The following ZNF423 variants were observed in gnomAD, a reference collection of about 807,000 sequenced individuals.
ZNF423 encodes the protein zinc finger protein 423, also known as Ebf-associated zinc finger protein.
ZNF423 carries 12 observed loss-of-function variants against 95.8 expected under a neutral mutation model. That is an observed-to-expected ratio of 0.13 (90% CI 0.08 to 0.20). The LOEUF is 0.20. ZNF423 is among the 10% of genes least tolerant of loss of function. The pLI is 1.00. For missense variants in ZNF423, 1,316 were observed against 1,737.1 expected (o/e 0.76, Z 4.31); for synonymous variants, 749 against 711.9 (o/e 1.05, Z -0.83).
At chr16:49,725,818 A>G (rs1326118325) in intron 3 of ZNF423, among the ~76,000 whole-genome samples, 1 of 152,218 alleles carries the variant, frequency 6.6e-6, no homozygotes, top group Non-Finnish European at 1.5e-5. Flanking sequence ...CCAGACTGCC[A>G]GCCCCTGGAG....
chr16:49,819,823 C>T (rs892053800), intron 1 of ZNF423, among the ~76,000 whole-genome samples: 7 of 152,142 alleles, frequency 4.6e-5, no homozygotes, highest in Non-Finnish European at 8.8e-5. Flanking sequence ...GAAAGCAACA[C>T]ACATTTAGTA....
At chr16:49,583,557 C>G (rs2151805134) in intron 5 of ZNF423, among the ~76,000 whole-genome samples, 1 of 152,256 alleles carries the variant, frequency 6.6e-6, no homozygotes, top group Middle Eastern at 3.4e-3. Context: ...TACAGAAGTA[C>G]TAATGACTAT....
At chr16:49,797,992 T>G (rs1300406768) in intron 1 of ZNF423, among the ~76,000 whole-genome samples, 1 of 152,218 alleles carries the variant, frequency 6.6e-6, no homozygotes, top group Non-Finnish European at 1.5e-5. Flanking sequence ...GGACGATTGC[T>G]TGAGCCAAGG....
chr16:49,610,228 A>G (rs1355009184), intron 5 of ZNF423, among the ~76,000 whole-genome samples: 1 of 152,222 alleles, frequency 6.6e-6, no homozygotes, highest in Non-Finnish European at 1.5e-5. Flanking sequence ...TGATTGGAAC[A>G]TTAGGTAGTA....
At chr16:49,679,516 C>T (rs1344435521) in intron 3 of ZNF423, among the ~76,000 whole-genome samples, 9 of 152,248 alleles carry the variant, frequency 5.9e-5, no homozygotes, top group Non-Finnish European at 1.2e-4. Flanking sequence ...TGTCATGACC[C>T]GGCCAGATGT....
Position 49,638,899 on chromosome 16 carries a change from T to C in ZNF423, c.302-25A>G. 1 of 1,574,968 alleles carries C rather than the reference T, an allele frequency of 6.3e-7. No homozygotes were observed. The highest frequency in any genetic ancestry group is 1.2e-5 in the South Asian group (1 of 83,680). Reference sequence around the variant, plus strand: ...TCTGCAAGAGAAGGCAGAGAGGATATTAGAGGCAATTCCCAGGGCTGCCGA... The same window carrying C: ...TCTGCAAGAGAAGGCAGAGAGGATACTAGAGGCAATTCCCAGGGCTGCCGA... On this transcript the variant is annotated intron_variant, in intron 3 of 7. Coordinates refer to ENST00000563137, the MANE Select transcript of ZNF423 (RefSeq NM_001379286.1). The surrounding 1 kb of genome is among the most constrained non-coding windows in gnomAD (Gnocchi z 5.6).
rs1596704168 is a variant in ZNF423 at position 49,603,935 on chromosome 16, G to A, written c.3601+22235C>T. 6.6e-6 allele frequency among the ~76,000 whole-genome samples: 1 copy of A among 152,206 alleles called. No homozygotes were observed. Among genetic ancestry groups the A allele is most frequent in the East Asian group, 1.9e-4 (1 of 5,192 alleles). ...AGGGCTTGGAGAGCCCTGGGGACAGGCAAGGGCACAAGGATGCCAGAAATC... is the reference window on the plus strand; with the variant it reads ...AGGGCTTGGAGAGCCCTGGGGACAGACAAGGGCACAAGGATGCCAGAAATC... On this transcript the variant is annotated intron_variant, in intron 5 of 7. Transcript: ENST00000563137. The surrounding 1 kb of genome is among the most constrained non-coding windows in gnomAD (Gnocchi z 4.1).
At chr16:49,857,318 C>CGGCGGA (rs571864129), upstream of ZNF423, among the ~76,000 whole-genome samples, 503 of 150,272 alleles carry the variant, frequency 3.3e-3, 3 homozygotes, top group African/African-American at 0.011. This position sits in a 1 kb window ranked among gnomAD's most constrained non-coding sequence, Gnocchi z 6.2. Context: ...GCGGCGGCGG[C>CGGCGGA]GGCGGCGGCA....
At chr16:49,737,270 ACT>A (rs1217463585) in intron 2 of ZNF423, among the ~76,000 whole-genome samples, 2 of 144,770 alleles carry the variant, frequency 1.4e-5, no homozygotes, top group African/African-American at 5.2e-5. Context: ...CTAGATCCTG[ACT>A]CTTTTTTTTT....
rs756301980 is a variant in ZNF423 at position 49,603,503 on chromosome 16, G to A, written c.3601+22667C>T. 1.1e-4 allele frequency among the ~76,000 whole-genome samples: 16 copies of A among 152,034 alleles called. No homozygotes were observed. The highest frequency in any genetic ancestry group is 2.1e-4 in the South Asian group (1 of 4,822). The stretch of plus-strand genomic sequence containing the variant: ...CAGCTTGCTGCGACCTCCGCCTCCC[G>A]GGTTCAAGTGATTCTCCTGCCTCAG... On this transcript the variant is annotated intron_variant, in intron 5 of 7. Coordinates refer to ENST00000563137, the MANE Select transcript of ZNF423 (RefSeq NM_001379286.1). This position sits in a 1 kb window ranked among gnomAD's most constrained non-coding sequence, Gnocchi z 4.1.
intron 1 of ZNF423, among the ~76,000 whole-genome samples, chr16:49,811,343 TG>T (rs1217560870): frequency 1.3e-5 from 2 of 151,760 alleles, no homozygotes; most frequent in African/African-American, 4.8e-5. Flanking sequence ...TTGGCCTTGA[TG>T]GGATCTCAAA....
chr16:49,648,394 C>A (rs978407625), intron 3 of ZNF423, among the ~76,000 whole-genome samples: 3 of 152,056 alleles, frequency 2.0e-5, no homozygotes, highest in African/African-American at 4.8e-5. Flanking sequence ...GTAATCCCAG[C>A]ACTTTGGGAG....
chr16:49,858,606 C>G (rs1405540883), upstream of ZNF423, among the ~76,000 whole-genome samples: 2 of 152,094 alleles, frequency 1.3e-5, no homozygotes, highest in East Asian at 3.9e-4. The surrounding 1 kb of genome is among the most constrained non-coding windows in gnomAD (Gnocchi z 4.3). Context: ...TAGACCTAAG[C>G]CTTGAGGGCC....
rs376367574 is a variant in ZNF423 at position 49,806,767 on chromosome 16, G to A, written c.41-17221C>T. ...CAGCAGGCCAGGCGCTGTGACTCAC[G>A]CCTGTAATCCCAGCACTTTGGGAGG... is the stretch of plus-strand genomic sequence containing the variant. On this transcript the variant is annotated intron_variant, in intron 1 of 7. Transcript: ENST00000563137. Among the ~76,000 whole-genome samples, 10 of 151,450 alleles carry A rather than the reference G, an allele frequency of 6.6e-5. No homozygotes were observed. The East Asian group carries it at 1.7e-3, about 26-fold the overall frequency.
At chr16:49,604,465 A>T (rs1264166354) in intron 5 of ZNF423, among the ~76,000 whole-genome samples, 1 of 151,910 alleles carries the variant, frequency 6.6e-6, no homozygotes, top group African/African-American at 2.4e-5. Context: ...TGCCTTGAAC[A>T]CGCTGCCACA....
chr16:49,653,329 A>AG (rs1973487188), intron 3 of ZNF423, among the ~76,000 whole-genome samples: 1 of 151,850 alleles, frequency 6.6e-6, no homozygotes. Flanking sequence ...AAAAAAAAAA[A>AG]AAGAATTCAA....
chr16:49,533,794 C>G (rs976640612), intron 5 of ZNF423, among the ~76,000 whole-genome samples: 2 of 152,208 alleles, frequency 1.3e-5, no homozygotes, highest in East Asian at 1.9e-4. Flanking sequence ...CAGTCTCTGA[C>G]TGTGAAATGG....
chr16:49,497,557 C>T (rs971665183), intron 7 of ZNF423, among the ~76,000 whole-genome samples: 4 of 152,202 alleles, frequency 2.6e-5, no homozygotes, highest in African/African-American at 9.7e-5. Flanking sequence ...CTCCCGGCCC[C>T]ACCTGCAGAG....
chr16:49,730,557 C>T, intron 3 of ZNF423: 1 of 606,064 alleles, frequency 1.6e-6, no homozygotes, highest in South Asian at 2.0e-5. Context: ...GGACAGAGCA[C>T]CACCATCTAA....
Sources: allele counts gnomAD v4.1 joint callset (sites outside exome capture counted in the v4.1 genomes callset), GRCh38; gene constraint gnomAD v4.1.1; non-coding constraint Gnocchi (gnomAD v3.1); transcripts MANE v1.5; gene names NCBI Gene and HGNC (gene_info 2026-07-23, HGNC 2026-07-21).